The following STEAP3 variants were observed in gnomAD, a reference collection of about 807,000 sequenced individuals.
The protein encoded by STEAP3 is STEAP3 metalloreductase.
Under a neutral mutation model 34.9 loss-of-function variants are expected in STEAP3, and 35 were observed. The ratio of observed to expected loss-of-function variants is 1.00; its 90% CI spans 0.76 to 1.33. The LOEUF (loss-of-function observed/expected upper bound fraction) is 1.33. Ranked by LOEUF, STEAP3 falls within the 40% of genes most tolerant of loss-of-function variation. The pLI is 0.00. For missense variants in STEAP3, 652 were observed against 667.6 expected (o/e 0.98, Z 0.26); for synonymous variants, 281 against 301.6 (o/e 0.93, Z 0.71).
chr2:119,239,130 A>G (rs1427966633), intron 2 of STEAP3, among the ~76,000 whole-genome samples: 1 of 152,186 alleles, frequency 6.6e-6, no homozygotes, highest in Non-Finnish European at 1.5e-5. Flanking sequence ...ACTTGATGAA[A>G]CAGGTTAGAG....
At chr2:119,244,359 C>T (rs1677342812) in intron 2 of STEAP3, 3 of 151,252 alleles carry the variant, frequency 2.0e-5, no homozygotes. Flanking sequence ...GCCTCAATGT[C>T]CTGAGTAGCT....
intron 5 of STEAP3, 65 bp downstream of exon 5, chr2:119,254,913 T>C: frequency 6.4e-7 from 1 of 1,557,750 alleles, no homozygotes; most frequent in Non-Finnish European, 8.7e-7. Flanking sequence ...CATGAGTAAG[T>C]GCTCTGCCTT....
chr2:119,229,861 C>T (rs186962782), intron 1 of STEAP3, among the ~76,000 whole-genome samples: 2,823 of 137,842 alleles, frequency 0.02, 51 homozygotes, highest in Middle Eastern at 0.039. Context: ...TCAGTCCCTG[C>T]CTACAGGCCT....
Position 119,263,222 on chromosome 2 carries a change from C to T in STEAP3, c.1381C>T (p.Leu461=). Residue 461 remains leucine, a synonymous_variant, in exon 6 of 6, where the codon CTG becomes TTG. Transcript: ENST00000393110. ...CATCCTGGCCAAAGCCCTGTTTCTC[C>T]TGCCCTGCATCAGCCGCAGACTCGC... The part of the protein sequence containing the change: ...VVILAKALFL[L]PCISRRLARI... 6.2e-7 allele frequency: 1 copy of T among 1,614,170 alleles called. No individual in the cohort carries two copies. Among genetic ancestry groups the T allele is most frequent in the Non-Finnish European group, 8.5e-7 (1 of 1,180,034 alleles).
chr2:119,245,160 C>T (rs1677371057), intron 2 of STEAP3: 1 of 330,946 alleles, frequency 3.0e-6, no homozygotes, highest in Non-Finnish European at 5.6e-6. Flanking sequence ...AGAAGTATGG[C>T]ACTGCATCAC....
chr2:119,245,397 T>G, intron 2 of STEAP3, 92 bp from the exon 3 acceptor site: 1 of 1,501,350 alleles, frequency 6.7e-7, no homozygotes, highest in South Asian at 1.4e-5. Context: ...AATGTCTGAC[T>G]GCCGTGTAGT....
At position 119,265,168 on chromosome 2, in the gene STEAP3, T is replaced by C. The variant is rs971717263; in HGVS notation, c.*1830T>C. On this transcript the variant is annotated 3_prime_UTR_variant, in exon 6 of 6. Transcript: ENST00000393110. ...ATGGGCAATGGAGACCCACCAATGATCCCCAACCCCGGTGGGTACTGGCTG... is the reference window on the plus strand; with the variant it reads ...ATGGGCAATGGAGACCCACCAATGACCCCCAACCCCGGTGGGTACTGGCTG... The C allele has an allele frequency of 6.6e-6, 1 of 152,234 alleles. No individual in the cohort carries two copies. Among genetic ancestry groups the C allele is most frequent in the African/African-American group, 2.4e-5 (1 of 41,392 alleles). 9.4% of individuals were successfully genotyped at this position (152,234 alleles called of 1,614,324 possible). A position where few individuals can be genotyped will look rare whatever the true frequency, so the allele number is the denominator to read the frequency against.
intron 2 of STEAP3, among the ~76,000 whole-genome samples, chr2:119,243,862 C>T (rs1423090267): frequency 6.6e-6 from 1 of 152,164 alleles, no homozygotes; most frequent in Non-Finnish European, 1.5e-5. Flanking sequence ...GATCCACTCC[C>T]TCACCTGGTC....
intron 2 of STEAP3, among the ~76,000 whole-genome samples, chr2:119,232,819 C>T (rs1163212097): frequency 6.6e-6 from 1 of 152,004 alleles, no homozygotes; most frequent in Non-Finnish European, 1.5e-5. Flanking sequence ...CCTGGGACCT[C>T]TAAGGGAAAG....
chr2:119,246,088 T>A, intron 3 of STEAP3, 100 bp downstream of exon 3: 1 of 1,417,732 alleles, frequency 7.1e-7, no homozygotes, highest in Non-Finnish European at 9.5e-7. Context: ...TTATCATAAC[T>A]AATCCTGCAT....
At chr2:119,231,505 A>T (rs838098) in intron 2 of STEAP3, among the ~76,000 whole-genome samples, 54,796 of 151,760 alleles carry the variant, frequency 0.36, 10,082 homozygotes, top group Non-Finnish European at 0.42. Flanking sequence ...CTGCAAGTAA[A>T]TGAACCAGAT....
intron 4 of STEAP3, among the ~76,000 whole-genome samples, chr2:119,252,412 G>A (rs1167059053): frequency 6.6e-6 from 1 of 152,198 alleles, no homozygotes; most frequent in South Asian, 2.1e-4. Flanking sequence ...CTGGCAGGCA[G>A]TGAGTTGGTA....
Position 119,263,774 on chromosome 2 carries a change from A to T in STEAP3, c.*436A>T. On this transcript the variant is annotated 3_prime_UTR_variant, in exon 6 of 6. Coordinates refer to ENST00000393110, the MANE Select transcript of STEAP3 (RefSeq NM_182915.3). ...CAACTTCCCTTTTGCTACTTCCCCA[A>T]GGCTCTTGCAGAGCTAGGGCTCTGA... 6.5e-6 allele frequency: 2 copies of T among 306,486 alleles called. No homozygotes were observed. Among genetic ancestry groups the T allele is most frequent in the Non-Finnish European group, 1.3e-5 (2 of 158,924 alleles). 19.0% of individuals were successfully genotyped at this position (306,486 alleles called of 1,614,324 possible).
Position 119,247,933 on chromosome 2 carries a change from G to A in STEAP3, c.777G>A (p.Lys259=). The change falls in exon 4 of 6, where the codon AAG becomes AAA. Residue 259 remains lysine, a synonymous_variant. Transcript: ENST00000393110. ...YVQESQNKFF[K]LPVSVVNTTL... Reference sequence around the variant, plus strand: ...AGGAAAGCCAGAACAAGTTCTTCAAGCTGCCCGTGTCCGTGGTCAACACCA... The same window carrying A: ...AGGAAAGCCAGAACAAGTTCTTCAAACTGCCCGTGTCCGTGGTCAACACCA... 6.2e-7 allele frequency: 1 copy of A among 1,613,750 alleles called. No homozygotes were observed. The highest frequency in any genetic ancestry group is 8.5e-7 in the Non-Finnish European group (1 of 1,180,004).
intron 2 of STEAP3, among the ~76,000 whole-genome samples, chr2:119,236,064 T>C (rs983761025): frequency 6.6e-6 from 1 of 152,176 alleles, no homozygotes; most frequent in Middle Eastern, 3.2e-3. Flanking sequence ...TGGGGAGAAA[T>C]GGGCATGTAC....
At chr2:119,230,379 G>A (rs574114225) in intron 1 of STEAP3, among the ~76,000 whole-genome samples, 14 of 152,166 alleles carry the variant, frequency 9.2e-5, no homozygotes, top group Middle Eastern at 6.8e-3. Context: ...CTGTCTGTCC[G>A]TCTTTCTCCC....
At position 119,247,731 on chromosome 2, in the gene STEAP3, C is replaced by G; in HGVS notation, c.575C>G (p.Ala192Gly). The G allele has an allele frequency of 6.3e-7, 1 of 1,578,992 alleles. No homozygotes were observed. The highest frequency in any genetic ancestry group is 8.6e-7 in the Non-Finnish European group (1 of 1,164,458). ...PEAKRAVSEM[A>G]LAMGFMPVDM... ...GCCAAGCGTGCTGTCTCGGAGATGG[C>G]GCTCGCCATGGGCTTCATGCCCGTG... Residue 192 changes from alanine (A) to glycine (G), a missense_variant, in exon 4 of 6, where the codon GCG becomes GGG. Ala to Gly is a moderately conservative substitution (Grantham distance 60). Coordinates refer to ENST00000393110, the MANE Select transcript of STEAP3 (RefSeq NM_182915.3).
At chr2:119,260,009 G>A (rs1677891942) in intron 5 of STEAP3, among the ~76,000 whole-genome samples, 2 of 152,238 alleles carry the variant, frequency 1.3e-5, no homozygotes, top group South Asian at 2.1e-4. Context: ...CTCATCCGCC[G>A]AACCTTAAAA....
intron 5 of STEAP3, among the ~76,000 whole-genome samples, chr2:119,260,123 C>G (rs536195493): frequency 1.3e-5 from 2 of 152,158 alleles, no homozygotes; most frequent in Admixed American, 1.3e-4. Flanking sequence ...TAATGTGTAG[C>G]AAGGTTTGAA....
Sources: gnomAD v4.1 joint callset for allele counts (sites outside exome capture counted in the v4.1 genomes callset) on GRCh38, gnomAD v4.1.1 for gene constraint, MANE v1.5 for transcripts, NCBI Gene and HGNC (gene_info 2026-07-23, HGNC 2026-07-21) for gene names.